CCDC141: variants seen among roughly 807,000 people sequenced by gnomAD.
CCDC141 encodes the protein coiled-coil domain-containing protein 141.
In CCDC141, 168 loss-of-function variants were observed where a neutral mutation model predicts 181.0. That is an observed-to-expected ratio of 0.93 (90% CI 0.82 to 1.05). The LOEUF is 1.05. Ranked by LOEUF, CCDC141 falls within the 50% of genes least tolerant of loss-of-function variation. The probability of loss-of-function intolerance (pLI) is 0.00; values close to 1 mark genes in which losing one functional copy is unlikely to be tolerated. For missense variants in CCDC141, 1,902 were observed against 1,788.5 expected (o/e 1.06, Z -1.14); for synonymous variants, 666 against 642.3 (o/e 1.04, Z -0.56).
chr2:178,879,473 T>G (rs1254964128), intron 11 of CCDC141, among the ~76,000 whole-genome samples: 2 of 152,224 alleles, frequency 1.3e-5, no homozygotes, highest in African/African-American at 4.8e-5. Flanking sequence ...TTGCTGATGC[T>G]TGTTCCCTCA....
intron 5 of CCDC141, among the ~76,000 whole-genome samples, chr2:178,949,083 G>T (rs1689846276): frequency 1.3e-5 from 2 of 152,118 alleles, no homozygotes; most frequent in Admixed American, 1.3e-4. Flanking sequence ...TGCATGTCTT[G>T]TTCATCACTG....
Position 179,029,389 on chromosome 2 carries a change from T to C in CCDC141, c.225+17895A>G, listed in dbSNP as rs935905280. On this transcript the variant is annotated intron_variant, in intron 2 of 23. Transcript: ENST00000443758. ...AGCCACTTCTGAATTTGTTTAATCATCTGTGAAATGAAAATATTTCCTATC... is the reference window on the plus strand; with the variant it reads ...AGCCACTTCTGAATTTGTTTAATCACCTGTGAAATGAAAATATTTCCTATC... Among the ~76,000 whole-genome samples the C allele has an allele frequency of 1.2e-4, 18 of 152,352 alleles. 1 individual carries two copies. Among genetic ancestry groups the C allele is most frequent in the African/African-American group, 4.1e-4 (17 of 41,582 alleles).
At chr2:179,045,865 C>T (rs1286468206) in intron 2 of CCDC141, among the ~76,000 whole-genome samples, 1 of 152,122 alleles carries the variant, frequency 6.6e-6, no homozygotes, top group Non-Finnish European at 1.5e-5. Flanking sequence ...TTACCAATAA[C>T]TAGGGACTTC....
intron 7 of CCDC141, among the ~76,000 whole-genome samples, chr2:178,912,733 A>G (rs1256323757): frequency 6.6e-6 from 1 of 152,184 alleles, no homozygotes; most frequent in Non-Finnish European, 1.5e-5. Flanking sequence ...GAAACTCCTT[A>G]GCATGCTATT....
At chr2:178,957,720 A>ATATT (rs1320695937) in intron 5 of CCDC141, among the ~76,000 whole-genome samples, 2 of 152,116 alleles carry the variant, frequency 1.3e-5, no homozygotes, top group East Asian at 1.9e-4. Context: ...AGACAATGGG[A>ATATT]TATTTATTTA....
At chr2:178,923,975 T>A (rs1310440603) in intron 6 of CCDC141, among the ~76,000 whole-genome samples, 1 of 152,174 alleles carries the variant, frequency 6.6e-6, no homozygotes, top group African/African-American at 2.4e-5. Context: ...ATAACAATTA[T>A]CCAGCAAGCA....
At chr2:178,890,372 G>C (rs922581695) in intron 8 of CCDC141, among the ~76,000 whole-genome samples, 9 of 152,062 alleles carry the variant, frequency 5.9e-5, no homozygotes, top group African/African-American at 1.9e-4. Flanking sequence ...TAGAATACAG[G>C]CCTCCCTGAC....
At chr2:179,027,962 T>C (rs756813698) in intron 2 of CCDC141, among the ~76,000 whole-genome samples, 14 of 152,200 alleles carry the variant, frequency 9.2e-5, no homozygotes, top group Non-Finnish European at 1.9e-4. Context: ...CTCCCACTTA[T>C]AGGTGAGAAC....
intron 8 of CCDC141, among the ~76,000 whole-genome samples, chr2:178,893,924 T>G: frequency 6.6e-6 from 1 of 152,126 alleles, no homozygotes; most frequent in Non-Finnish European, 1.5e-5. Context: ...ACCTGGGTTC[T>G]TGTTCAGATG....
intron 2 of CCDC141, among the ~76,000 whole-genome samples, chr2:178,983,713 C>T (rs1447864964): frequency 6.6e-6 from 1 of 151,348 alleles, no homozygotes; most frequent in Non-Finnish European, 1.5e-5. Flanking sequence ...GAAAGGGTAT[C>T]AGCAATGGAA....
intron 6 of CCDC141, among the ~76,000 whole-genome samples, chr2:178,939,765 G>T (rs992057438): frequency 2.6e-5 from 4 of 151,988 alleles, no homozygotes; most frequent in African/African-American, 9.7e-5. Flanking sequence ...TGGTGGAGGG[G>T]GGGTGTTGGG....
downstream of CCDC141, among the ~76,000 whole-genome samples, chr2:178,825,822 C>T (rs1684114638): frequency 1.3e-5 from 2 of 152,254 alleles, no homozygotes; most frequent in East Asian, 1.9e-4. Context: ...GCAGTTGTTG[C>T]AGATCTTCTG....
At chr2:178,856,216 C>T in intron 18 of CCDC141, 41 bp downstream of exon 18, 2 of 1,513,768 alleles carry the variant, frequency 1.3e-6, no homozygotes, top group African/African-American at 1.4e-5. Context: ...GTAGTACATG[C>T]ATACACATGC....
chr2:178,982,580 G>C (rs979488255), intron 2 of CCDC141, among the ~76,000 whole-genome samples: 2 of 152,232 alleles, frequency 1.3e-5, no homozygotes, highest in Non-Finnish European at 2.9e-5. Context: ...GGGAGTGCCA[G>C]ACAGGGGGCG....
At chr2:178,836,467 G>A (rs1259878152) in intron 23 of CCDC141, 2 of 156,364 alleles carry the variant, frequency 1.3e-5, no homozygotes, top group East Asian at 3.8e-4. Context: ...GGAAAAAGAT[G>A]AAAGAGGTAA....
At chr2:178,836,768 G>T in intron 23 of CCDC141, 126 bp downstream of exon 23, 2 of 992,148 alleles carry the variant, frequency 2.0e-6, no homozygotes, top group Non-Finnish European at 3.0e-6. Context: ...ATTGAATCAT[G>T]CAGAGTTGCA....
intron 6 of CCDC141, among the ~76,000 whole-genome samples, chr2:178,931,578 ATAT>A (rs1329577758): frequency 6.6e-6 from 1 of 152,184 alleles, no homozygotes; most frequent in Non-Finnish European, 1.5e-5. Context: ...AAGCCATTAA[ATAT>A]TATTTTATTT....
In CCDC141 at chr2:178,888,680, A is replaced by T; in HGVS notation, c.1266-12T>A. 6.5e-7 allele frequency: 1 copy of T among 1,550,368 alleles called. No homozygotes were observed. Among genetic ancestry groups the T allele is most frequent in the South Asian group, 1.2e-5 (1 of 84,034 alleles). On this transcript the variant is annotated splice_polypyrimidine_tract_variant and intron_variant, in intron 8 of 23. Coordinates refer to ENST00000443758, the MANE Select transcript of CCDC141 (RefSeq NM_173648.4). Reference sequence around the variant, plus strand: ...CGGACACCTGAGAGCTGAACAGAGCAAGCCAGCTGTTAATTCACTCCACCC... The same window carrying T: ...CGGACACCTGAGAGCTGAACAGAGCTAGCCAGCTGTTAATTCACTCCACCC...
chr2:178,952,276 G>A (rs1475962127), intron 5 of CCDC141, among the ~76,000 whole-genome samples: 1 of 152,200 alleles, frequency 6.6e-6, no homozygotes, highest in Non-Finnish European at 1.5e-5. Context: ...GTAAAGCTCA[G>A]AAAGTGACCA....
Sources: gnomAD v4.1 joint callset for allele counts (sites outside exome capture counted in the v4.1 genomes callset) on GRCh38, gnomAD v4.1.1 for gene constraint, MANE v1.5 for transcripts, NCBI Gene and HGNC (gene_info 2026-07-23, HGNC 2026-07-21) for gene names.